Variants in ADCY9 observed in about 807,000 individuals in gnomAD.
The protein encoded by ADCY9 is adenylate cyclase 9, also known as adenylate cyclase type 9.
In ADCY9, 50 loss-of-function variants were observed where a neutral mutation model predicts 101.5. The ratio of observed to expected loss-of-function variants is 0.49; its 90% CI spans 0.39 to 0.62. The LOEUF (loss-of-function observed/expected upper bound fraction) is 0.62. Ranked by LOEUF, ADCY9 falls within the 20% of genes least tolerant of loss-of-function variation. The probability of loss-of-function intolerance (pLI) is 0.00; values close to 1 mark genes in which losing one functional copy is unlikely to be tolerated. For missense variants in ADCY9, 1,662 were observed against 1,800.4 expected (o/e 0.92, Z 1.39); for synonymous variants, 905 against 769.3 (o/e 1.18, Z -2.92).
chr16:4,024,021 T>C (rs1398451175), intron 2 of ADCY9, among the ~76,000 whole-genome samples: 2 of 152,128 alleles, frequency 1.3e-5, no homozygotes, highest in Admixed American at 1.3e-4. Context: ...TTTAATTTTT[T>C]AACTTTTTTT....
intron 6 of ADCY9, among the ~76,000 whole-genome samples, chr16:3,988,298 G>A (rs2056211712): frequency 6.6e-6 from 1 of 152,086 alleles, no homozygotes; most frequent in Non-Finnish European, 1.5e-5. Flanking sequence ...TGGAGCCGGA[G>A]TTAGAGAGAG....
chr16:3,999,515 T>G (rs1184470191), intron 3 of ADCY9, among the ~76,000 whole-genome samples: 1 of 151,820 alleles, frequency 6.6e-6, no homozygotes, highest in Admixed American at 6.6e-5. Flanking sequence ...CTTGCTCTCC[T>G]GGGCCTTGTT....
chr16:4,077,651 T>C (rs2056876164), intron 2 of ADCY9, among the ~76,000 whole-genome samples: 1 of 152,100 alleles, frequency 6.6e-6, no homozygotes, highest in Non-Finnish European at 1.5e-5. Flanking sequence ...AAGGAGGGGA[T>C]TTTAAATTTA....
intron 2 of ADCY9, among the ~76,000 whole-genome samples, chr16:4,081,993 T>A (rs2056906570): frequency 1.3e-5 from 2 of 152,012 alleles, no homozygotes; most frequent in Non-Finnish European, 2.9e-5. Context: ...GCTGGAGAAC[T>A]GAAGGCAAGT....
At chr16:3,998,367 T>C (rs755592294) in intron 3 of ADCY9, among the ~76,000 whole-genome samples, 1 of 152,198 alleles carries the variant, frequency 6.6e-6, no homozygotes, top group East Asian at 1.9e-4. Flanking sequence ...GCTATGGTCA[T>C]GCCACTGTAC....
Position 4,115,453 on chromosome 16 carries a change from C to G in ADCY9, c.-11G>C. The G allele has an allele frequency of 6.5e-7, 1 of 1,528,112 alleles. No individual in the cohort carries two copies. The highest frequency in any genetic ancestry group is 8.8e-7 in the Non-Finnish European group (1 of 1,136,624). The allele number at this position is 1,528,112 out of a possible 1,614,324, so 94.7% of individuals were successfully genotyped here. A position where few individuals can be genotyped will look rare whatever the true frequency, so the allele number is the denominator to read the frequency against. On this transcript the variant is annotated 5_prime_UTR_variant, in exon 2 of 11. Transcript: ENST00000294016. This position sits in a 1 kb window ranked among gnomAD's most constrained non-coding sequence, Gnocchi z 6.2. The stretch of plus-strand genomic sequence containing the variant: ...GGGTGGGGAAGCCATGTTGTCGAGT[C>G]CCGGGGCCTGCCCCGGCCGGGGTCA...
downstream of ADCY9, among the ~76,000 whole-genome samples, chr16:3,958,954 C>T (rs907097561): frequency 9.9e-5 from 15 of 151,974 alleles, no homozygotes; most frequent in African/African-American, 3.4e-4. Flanking sequence ...GGACCACAGG[C>T]GGGAGCCACC....
At chr16:4,037,948 C>T (rs1026047528) in intron 2 of ADCY9, among the ~76,000 whole-genome samples, 2 of 152,172 alleles carry the variant, frequency 1.3e-5, no homozygotes, top group Non-Finnish European at 2.9e-5. Flanking sequence ...CCAAAATTGA[C>T]GTGTTTAAAC....
chr16:4,052,175 C>A (rs537528761), intron 2 of ADCY9, among the ~76,000 whole-genome samples: 1 of 152,244 alleles, frequency 6.6e-6, no homozygotes, highest in South Asian at 2.1e-4. Flanking sequence ...AAGTAACTGG[C>A]CTGTTCTCTT....
intron 2 of ADCY9, among the ~76,000 whole-genome samples, chr16:4,037,708 G>A (rs1281349115): frequency 1.3e-5 from 2 of 152,268 alleles, no homozygotes; most frequent in Middle Eastern, 3.4e-3. Flanking sequence ...GCATTTCTCT[G>A]TGATGAGTGA....
chr16:4,026,402 C>T (rs2056515250), intron 2 of ADCY9, among the ~76,000 whole-genome samples: 1 of 135,912 alleles, frequency 7.4e-6, no homozygotes, highest in Non-Finnish European at 1.5e-5. Context: ...CCAGCCTGAG[C>T]CAACAACAGC....
downstream of ADCY9, among the ~76,000 whole-genome samples, chr16:3,960,700 A>G (rs1288982180): frequency 1.3e-5 from 2 of 152,184 alleles, no homozygotes; most frequent in South Asian, 2.1e-4. Context: ...AGACTCTAAC[A>G]GGCACGCGGA....
At chr16:4,018,017 C>T (rs1567439551) in intron 2 of ADCY9, among the ~76,000 whole-genome samples, 1 of 152,192 alleles carries the variant, frequency 6.6e-6, no homozygotes, top group Non-Finnish European at 1.5e-5. Context: ...TTGCCTGGAA[C>T]ACAGATGGGC....
chr16:4,075,346 C>G (rs1457978672), intron 2 of ADCY9, among the ~76,000 whole-genome samples: 1 of 152,152 alleles, frequency 6.6e-6, no homozygotes, highest in Non-Finnish European at 1.5e-5. Context: ...GCCATGTTGG[C>G]CAGGCTAGTC....
intron 2 of ADCY9, among the ~76,000 whole-genome samples, chr16:4,091,677 A>G (rs2056974535): frequency 6.6e-6 from 1 of 152,240 alleles, no homozygotes; most frequent in Non-Finnish European, 1.5e-5. Flanking sequence ...TGAACCTTGG[A>G]AACATGCTGA....
intron 5 of ADCY9, among the ~76,000 whole-genome samples, chr16:3,955,450 A>G (rs1352032001): frequency 6.6e-6 from 1 of 152,212 alleles, no homozygotes; most frequent in African/African-American, 2.4e-5. Context: ...ACATTCTTCA[A>G]TATTCAAAAA....
chr16:3,974,267 A>G (rs917968076), intron 10 of ADCY9, among the ~76,000 whole-genome samples: 1 of 151,288 alleles, frequency 6.6e-6, no homozygotes, highest in African/African-American at 2.4e-5. Flanking sequence ...GATGGTCTCC[A>G]TCTCCTGACC....
At chr16:3,986,273 G>A (rs1233578536) in intron 6 of ADCY9, among the ~76,000 whole-genome samples, 1 of 152,142 alleles carries the variant, frequency 6.6e-6, no homozygotes, top group Non-Finnish European at 1.5e-5. Context: ...CCAGCACAAT[G>A]AGTCCCCAAA....
rs2057128435 is a variant in ADCY9, at chr16:4,113,743, C to T, written c.1693+7G>A. ...GGGGGGATGCCGAGGTAAAGCAGTGCACATACCTTTCAACTGGTCAGCAAC... is the reference window on the plus strand; with the variant it reads ...GGGGGGATGCCGAGGTAAAGCAGTGTACATACCTTTCAACTGGTCAGCAAC... On this transcript the variant is annotated splice_region_variant and intron_variant, in intron 2 of 10. Coordinates refer to ENST00000294016, the MANE Select transcript of ADCY9 (RefSeq NM_001116.4). The T allele has an allele frequency of 3.1e-6, 5 of 1,609,632 alleles. No homozygotes were observed. In the South Asian group the frequency reaches 3.3e-5, roughly 11 times the overall value.
Sources: gnomAD v4.1 joint callset for allele counts (sites outside exome capture counted in the v4.1 genomes callset) on GRCh38, gnomAD v4.1.1 for gene constraint, Gnocchi (gnomAD v3.1) non-coding constraint, MANE v1.5 for transcripts, NCBI Gene and HGNC (gene_info 2026-07-23, HGNC 2026-07-21) for gene names.